The following STK32C variants were observed in gnomAD, a reference collection of about 807,000 sequenced individuals.
STK32C encodes serine/threonine-protein kinase 32C.
A neutral mutation model predicts 56.5 loss-of-function variants in STK32C; 31 were observed. The observed-to-expected ratio is 0.55, with a 90% CI of 0.41 to 0.74. The LOEUF (loss-of-function observed/expected upper bound fraction) is 0.74. Among genes scored for constraint, STK32C ranks in the 30% least tolerant of loss-of-function variants. STK32C has a pLI of 0.00. For synonymous variants in STK32C, 309 were observed against 289.4 expected, an observed-to-expected ratio of 1.07 and a Z score of -0.69; for missense variants, 544 against 676.9, an observed-to-expected ratio of 0.80 and a Z score of 2.18.
intron 2 of STK32C, among the ~76,000 whole-genome samples, chr10:132,236,900 C>T (rs568348164): frequency 3.3e-5 from 5 of 152,332 alleles, no homozygotes; most frequent in Admixed American, 2.6e-4. Context: ...CTTGTGCCCC[C>T]GACCTCCAAG....
chr10:132,331,675 G>A (rs763570586), exon 1 of STK32C: 5 of 1,612,662 alleles, frequency 3.1e-6, no homozygotes, highest in Non-Finnish European at 4.2e-6. Flanking sequence ...TTTTCTGCTC[G>A]GCTGTCCTCG....
chr10:132,235,493 T>TCAAAAAAAAAAAAAAAAAAAAAAAAAA (rs1565091831), intron 2 of STK32C, among the ~76,000 whole-genome samples: 1 of 72,410 alleles, frequency 1.4e-5, no homozygotes, highest in African/African-American at 5.1e-5. Flanking sequence ...AGACTCAGCC[T>TCAAAAAAAAAAAAAAAAAAAAAAAAAA]TAAAAAAAAA....
upstream of STK32C, among the ~76,000 whole-genome samples, chr10:132,310,995 C>T (rs536241445): frequency 6.4e-4 from 98 of 152,226 alleles, no homozygotes; most frequent in Non-Finnish European, 1.3e-3. This position sits in a 1 kb window ranked among gnomAD's most constrained non-coding sequence, Gnocchi z 4.6. Flanking sequence ...AGTGAGTGGC[C>T]GTGGCATGTG....
intron 1 of STK32C, among the ~76,000 whole-genome samples, chr10:132,284,843 A>G (rs11593846): frequency 0.016 from 1,333 of 85,922 alleles, no homozygotes; most frequent in Non-Finnish European, 0.02. Context: ...ATGAACCCAG[A>G]ACACATTCCC....
rs537572022 is a variant in STK32C at position 132,224,342 on chromosome 10, C to T, written c.993+65G>A. On this transcript the variant is annotated intron_variant, in intron 8 of 11. Coordinates refer to ENST00000298630, the MANE Select transcript of STK32C (RefSeq NM_173575.4). ...GTGCACTGGAGGGGGTGTCCCGAGC[C>T]GCAGGTAAGTGAGGGAGGGAGGTGG... 1.8e-4 allele frequency: 219 copies of T among 1,236,392 alleles called. 2 individuals carry two copies. Among genetic ancestry groups the T allele is most frequent in the South Asian group, 1.3e-3 (100 of 77,780 alleles). 76.6% of individuals were successfully genotyped at this position (1,236,392 alleles called of 1,614,324 possible).
At chr10:132,249,515 G>C (rs141955447) in intron 1 of STK32C, among the ~76,000 whole-genome samples, 1 of 152,278 alleles carries the variant, frequency 6.6e-6, no homozygotes, top group Non-Finnish European at 1.5e-5. Flanking sequence ...CCCGAGCCAA[G>C]TGGTCCCTGC....
chr10:132,279,696 C>T (rs1049962921), intron 1 of STK32C, among the ~76,000 whole-genome samples: 21 of 151,722 alleles, frequency 1.4e-4, no homozygotes, highest in Non-Finnish European at 2.5e-4. Flanking sequence ...CGACACTCCA[C>T]TCCGTGATCA....
Position 132,208,059 on chromosome 10 carries a change from G to A in STK32C, c.1412C>T (p.Ser471Phe). Residue 471 changes from serine to phenylalanine, a missense_variant, in exon 12 of 12, where the codon TCC (serine) becomes TTC (phenylalanine). This residue lies in a region of STK32C where 277 missense variants were observed against 309.3 expected (regional missense o/e 0.90). Transcript: ENST00000298630. ...AEPVEDEAERSALPMCGPICP... is the reference protein window; with the variant it reads ...AEPVEDEAERFALPMCGPICP... Reference sequence around the variant, plus strand: ...AATGGGGCCGCACATGGGCAGGGCGGAGCGTTCCGCCTCGTCCTCCACAGG... The same window carrying A: ...AATGGGGCCGCACATGGGCAGGGCGAAGCGTTCCGCCTCGTCCTCCACAGG... 1 of 1,310,734 alleles carries A rather than the reference G, an allele frequency of 7.6e-7. No homozygotes were observed. The highest frequency in any genetic ancestry group is 2.2e-4 in the Middle Eastern group (1 of 4,580). 81.2% of individuals were successfully genotyped at this position (1,310,734 alleles called of 1,614,324 possible).
intron 1 of STK32C, chr10:132,324,446 T>C (rs1488134078): frequency 5.7e-6 from 4 of 696,712 alleles, no homozygotes; most frequent in Non-Finnish European, 1.1e-5. Flanking sequence ...TGTATTTCAG[T>C]TGTCACATTG....
rs1275049771 is a variant in STK32C, at chr10:132,330,503, G to C, written c.301+933C>G. ...TCAGCTTCCTGATTGGTAGATAGTTGGGTATGTACGAAAACTTTTTTTTTG... is the reference window on the plus strand; with the variant it reads ...TCAGCTTCCTGATTGGTAGATAGTTCGGTATGTACGAAAACTTTTTTTTTG... On this transcript the variant is annotated intron_variant, in intron 1 of 1. Transcript: ENST00000368619. 5 of 716,726 alleles carry C rather than the reference G, an allele frequency of 7.0e-6. No homozygotes were observed. The South Asian group carries it at 7.4e-5, about 11-fold the overall frequency. 44.4% of individuals were successfully genotyped at this position (716,726 alleles called of 1,614,324 possible). A position where few individuals can be genotyped will look rare whatever the true frequency, so the allele number is the denominator to read the frequency against.
chr10:132,234,903 C>T (rs2063221780), intron 2 of STK32C, among the ~76,000 whole-genome samples: 1 of 152,230 alleles, frequency 6.6e-6, no homozygotes, highest in Non-Finnish European at 1.5e-5. Context: ...GTGGCACGCC[C>T]ACCAGGGCAA....
At chr10:132,293,807 G>C (rs2065646242) in intron 1 of STK32C, among the ~76,000 whole-genome samples, 3 of 152,232 alleles carry the variant, frequency 2.0e-5, no homozygotes, top group Admixed American at 2.0e-4. Context: ...GGGAATGGGG[G>C]TGGGGACAGC....
At chr10:132,271,594 C>A (rs2064827264) in intron 1 of STK32C, among the ~76,000 whole-genome samples, 1 of 152,232 alleles carries the variant, frequency 6.6e-6, no homozygotes, top group Non-Finnish European at 1.5e-5. Context: ...GTGGCGTCAG[C>A]ATGACACGGT....
intron 1 of STK32C, among the ~76,000 whole-genome samples, chr10:132,262,089 A>T (rs1053575222): frequency 3.3e-5 from 5 of 152,178 alleles, no homozygotes; most frequent in African/African-American, 1.2e-4. Context: ...CTGGTACAAA[A>T]ACAGACACAT....
At chr10:132,246,152 G>A (rs1384706765) in intron 1 of STK32C, among the ~76,000 whole-genome samples, 197 bp from the exon 2 acceptor site, 1 of 152,230 alleles carries the variant, frequency 6.6e-6, no homozygotes, top group Non-Finnish European at 1.5e-5. Context: ...GAAGACATGG[G>A]CCTTGGGTCT....
rs558012414 is a variant in STK32C, at chr10:132,307,654, C to G, written c.180G>C (p.Gln60His). The change falls in exon 1 of 12, where the codon CAG (glutamine) becomes CAC (histidine). Residue 60 changes from glutamine to histidine, a missense_variant. Transcript: ENST00000298630. This position sits in a 1 kb window ranked among gnomAD's most constrained non-coding sequence, Gnocchi z 4.4. Reference protein sequence around the residue: ...DVRSQPRPLFQWSKWKKRMGS... With the variant: ...DVRSQPRPLFHWSKWKKRMGS... ...CCATCCTCTTCTTCCACTTGCTCCA[C>G]TGAAACAGGGGGCGCGGCTGCGAGC... 3 of 1,547,396 alleles carry G rather than the reference C, an allele frequency of 1.9e-6. No individual in the cohort carries two copies. The highest frequency in any genetic ancestry group is 2.9e-5 in the African/African-American group (2 of 70,148).
chr10:132,291,947 G>A (rs1358019973), intron 1 of STK32C, among the ~76,000 whole-genome samples: 1 of 152,158 alleles, frequency 6.6e-6, no homozygotes, highest in African/African-American at 2.4e-5. Flanking sequence ...GTGGGGAGCG[G>A]GGAAGAAGAG....
chr10:132,273,517 T>C (rs1471538464), intron 1 of STK32C, among the ~76,000 whole-genome samples: 3 of 151,174 alleles, frequency 2.0e-5, no homozygotes, highest in East Asian at 1.9e-4. Context: ...AATGAGTTAG[T>C]GAATGGGGAG....
At chr10:132,250,014 G>A (rs1285982755) in intron 1 of STK32C, among the ~76,000 whole-genome samples, 2 of 152,258 alleles carry the variant, frequency 1.3e-5, no homozygotes, top group African/African-American at 4.8e-5. Flanking sequence ...GGCTTTGAGG[G>A]GAGCAATATG....
Sources: allele counts gnomAD v4.1 joint callset (sites outside exome capture counted in the v4.1 genomes callset), GRCh38; gene constraint gnomAD v4.1.1; regional missense constraint gnomAD v4.1.1; non-coding constraint Gnocchi (gnomAD v3.1); transcripts MANE v1.5; gene names NCBI Gene and HGNC (gene_info 2026-07-23, HGNC 2026-07-21).